SCEL: variants seen among roughly 807,000 people sequenced by gnomAD.
SCEL encodes the protein sciellin.
A neutral mutation model predicts 117.6 loss-of-function variants in SCEL; 113 were observed. The ratio of observed to expected loss-of-function variants is 0.96; its 90% CI spans 0.83 to 1.12. The LOEUF (loss-of-function observed/expected upper bound fraction) is 1.12, where lower values mean the gene tolerates loss of function less well. Ranked by LOEUF, SCEL falls within the 50% of genes most tolerant of loss-of-function variation. The probability of loss-of-function intolerance (pLI) is 0.00; values close to 1 mark genes in which losing one functional copy is unlikely to be tolerated. For missense variants in SCEL, 785 were observed against 810.8 expected, an observed-to-expected ratio of 0.97 and a Z score of 0.39; for synonymous variants, 270 against 256.2, an observed-to-expected ratio of 1.05 and a Z score of -0.51.
At chr13:77,548,647 T>C (rs867166651) in intron 1 of SCEL, among the ~76,000 whole-genome samples, 1 of 152,208 alleles carries the variant, frequency 6.6e-6, no homozygotes, top group African/African-American at 2.4e-5. Context: ...AGGGACCTGG[T>C]GGGAGGTAAT....
At chr13:77,591,733 C>T (rs1269736082) in intron 11 of SCEL, among the ~76,000 whole-genome samples, 1 of 152,162 alleles carries the variant, frequency 6.6e-6, no homozygotes, top group Non-Finnish European at 1.5e-5. Context: ...GCTTGCTCAC[C>T]TCTTTATTCC....
At chr13:77,598,248 G>A (rs1240195558) in intron 13 of SCEL, among the ~76,000 whole-genome samples, 9 of 152,146 alleles carry the variant, frequency 5.9e-5, no homozygotes, top group Non-Finnish European at 1.5e-5. Context: ...AATAATCAAG[G>A]CTTGTGTTTG....
chr13:77,614,141 G>A (rs767307373), intron 24 of SCEL, among the ~76,000 whole-genome samples, 186 bp downstream of exon 24: 1 of 152,122 alleles, frequency 6.6e-6, no homozygotes, highest in Non-Finnish European at 1.5e-5. Flanking sequence ...AATGTATGGC[G>A]GTGCTTTCTC....
chr13:77,632,765 A>C (rs1207178524), intron 28 of SCEL, among the ~76,000 whole-genome samples: 1 of 152,244 alleles, frequency 6.6e-6, no homozygotes, highest in Non-Finnish European at 1.5e-5. Context: ...GGAGAAAGCA[A>C]ATATGCCAAC....
chr13:77,616,845 T>G (rs2089089905), intron 24 of SCEL, among the ~76,000 whole-genome samples: 1 of 151,962 alleles, frequency 6.6e-6, no homozygotes, highest in African/African-American at 2.4e-5. Context: ...CAGATGGTAC[T>G]GGAAGCAGGT....
In SCEL at chr13:77,593,528, A is replaced by C; in HGVS notation, c.707A>C (p.Asp236Ala). ...ATTGTTTGAAGGAGTCAGGATCTTGATAACATCGTCAAAGTGGCCACTTCA... is the reference window on the plus strand; with the variant it reads ...ATTGTTTGAAGGAGTCAGGATCTTGCTAACATCGTCAAAGTGGCCACTTCA... Reference protein sequence around the residue: ...AERNIRSQDLDNIVKVATSLQ... With the variant: ...AERNIRSQDLANIVKVATSLQ... Residue 236 changes from aspartate (D) to alanine (A), a missense_variant, in exon 12 of 33, where the codon GAT (aspartate) becomes GCT (alanine). Asp to Ala is a moderately radical substitution (Grantham distance 126). Transcript: ENST00000349847. The C allele has an allele frequency of 6.2e-7, 1 of 1,612,804 alleles. No individual in the cohort carries two copies. The highest frequency in any genetic ancestry group is 8.5e-7 in the Non-Finnish European group (1 of 1,179,096).
intron 9 of SCEL, among the ~76,000 whole-genome samples, chr13:77,585,019 T>C (rs1365000095): frequency 6.6e-6 from 1 of 152,234 alleles, no homozygotes; most frequent in Admixed American, 6.5e-5. Flanking sequence ...GTAATGGGAT[T>C]GACAGTGGAA....
intron 24 of SCEL, among the ~76,000 whole-genome samples, chr13:77,616,004 CTGTGTGTGTGTGTGTG>C (rs1169054133): frequency 3.5e-5 from 4 of 114,192 alleles, no homozygotes; most frequent in Admixed American, 1.7e-4. Flanking sequence ...TTATGTCTCT[CTGTGTGTGTGTGTGTG>C]TGTGTGTGTG....
At chr13:77,625,388 T>A (rs1343893837) in intron 27 of SCEL, among the ~76,000 whole-genome samples, 1 of 152,224 alleles carries the variant, frequency 6.6e-6, no homozygotes, top group Non-Finnish European at 1.5e-5. Flanking sequence ...TCACTATTTC[T>A]AAATTTGCAG....
At chr13:77,579,697 A>G (rs570580586) in intron 9 of SCEL, among the ~76,000 whole-genome samples, 37 of 152,330 alleles carry the variant, frequency 2.4e-4, no homozygotes, top group Admixed American at 4.6e-4. Context: ...AGGTAGACAC[A>G]AAATATGTGG....
chr13:77,586,482 C>T (rs1490544646), intron 9 of SCEL, among the ~76,000 whole-genome samples: 3 of 152,062 alleles, frequency 2.0e-5, no homozygotes, highest in African/African-American at 7.2e-5. Context: ...ATTCTCATTT[C>T]CCTCCATGCC....
At chr13:77,563,738 G>A (rs2154396712) in intron 4 of SCEL, 93 bp from the exon 5 acceptor site, 2 of 891,050 alleles carry the variant, frequency 2.2e-6, no homozygotes, top group East Asian at 2.6e-5. Context: ...ACTGAAATAG[G>A]TCAAAATATT....
chr13:77,539,768 A>C (rs1443860798), intron 1 of SCEL, among the ~76,000 whole-genome samples: 1 of 152,120 alleles, frequency 6.6e-6, no homozygotes, highest in Non-Finnish European at 1.5e-5. Context: ...TCTCCTGATC[A>C]CGTGGTCTGC....
At chr13:77,540,379 T>G (rs1593853384) in intron 1 of SCEL, among the ~76,000 whole-genome samples, 2 of 151,144 alleles carry the variant, frequency 1.3e-5, no homozygotes, top group African/African-American at 2.4e-5. Flanking sequence ...GGGTTGGGGG[T>G]GGGGGAAGAT....
chr13:77,544,595 T>G (rs1414536740), intron 1 of SCEL, among the ~76,000 whole-genome samples: 1 of 152,106 alleles, frequency 6.6e-6, no homozygotes, highest in East Asian at 1.9e-4. Flanking sequence ...TTCTTGGCAT[T>G]GGGACAAGAG....
intron 9 of SCEL, among the ~76,000 whole-genome samples, chr13:77,588,796 A>G (rs10507867): frequency 0.13 from 20,265 of 152,168 alleles, 1,434 homozygotes; most frequent in Non-Finnish European, 0.15. Flanking sequence ...ATACCCAAGG[A>G]CCATTTACAG....
intron 2 of SCEL, 43 bp downstream of exon 2, chr13:77,555,961 T>G: frequency 1.3e-6 from 2 of 1,545,256 alleles, no homozygotes; most frequent in Non-Finnish European, 1.8e-6. Flanking sequence ...ACTTTAAAAT[T>G]TTGGAAAAAC....
intron 22 of SCEL, among the ~76,000 whole-genome samples, chr13:77,610,880 T>C (rs966056086): frequency 6.6e-6 from 1 of 152,226 alleles, no homozygotes; most frequent in Non-Finnish European, 1.5e-5. Flanking sequence ...ATTTGTCTTT[T>C]ATATAGAAAG....
At chr13:77,568,154 A>G (rs1303490923) in intron 6 of SCEL, 141 bp from the exon 7 acceptor site, 2 of 617,270 alleles carry the variant, frequency 3.2e-6, no homozygotes, top group Non-Finnish European at 5.6e-6. Flanking sequence ...CATCTTATGA[A>G]ATTTATTAAA....
Sources: allele counts gnomAD v4.1 joint callset (sites outside exome capture counted in the v4.1 genomes callset), GRCh38; gene constraint gnomAD v4.1.1; transcripts MANE v1.5; gene names NCBI Gene and HGNC (gene_info 2026-07-23, HGNC 2026-07-21).